The following PIK3C3 variants were observed in gnomAD, a reference collection of about 807,000 sequenced individuals.
PIK3C3 encodes the protein phosphatidylinositol 3-kinase catalytic subunit type 3, also known as PI3-kinase type 3.
PIK3C3 carries 95 observed loss-of-function variants against 126.1 expected under a neutral mutation model. That is an observed-to-expected ratio of 0.75 (90% CI 0.64 to 0.89). PIK3C3 has a LOEUF of 0.89. PIK3C3 is among the 40% of genes least tolerant of loss of function. PIK3C3 has a pLI of 0.00. For missense variants in PIK3C3, 829 were observed against 1,063.2 expected (o/e 0.78, Z 3.06); for synonymous variants, 374 against 360.0 (o/e 1.04, Z -0.44).
At chr18:42,023,472 A>T (rs1214916703) in intron 13 of PIK3C3, among the ~76,000 whole-genome samples, 1 of 152,240 alleles carries the variant, frequency 6.6e-6, no homozygotes, top group Non-Finnish European at 1.5e-5. Context: ...CATTCAATCA[A>T]ACTTAGATTT....
chr18:42,060,583 C>T (rs1985271739), intron 22 of PIK3C3, among the ~76,000 whole-genome samples: 1 of 151,982 alleles, frequency 6.6e-6, no homozygotes, highest in Non-Finnish European at 1.5e-5. Flanking sequence ...CCAGCCTGGC[C>T]AACATGGTGA....
rs1279947398 is a variant in PIK3C3 at position 42,067,368 on chromosome 18, C to CT, written c.2524-19dup. 2 of 1,612,842 alleles carry CT rather than the reference C, an allele frequency of 1.2e-6. No homozygotes were observed. Among genetic ancestry groups the CT allele is most frequent in the Non-Finnish European group, 1.7e-6 (2 of 1,179,122 alleles). On this transcript the variant is annotated intron_variant, in intron 23 of 24. Transcript: ENST00000262039. The stretch of plus-strand genomic sequence containing the variant: ...GCCCTATTTTTCTTCGTTGTAAAGA[C>CT]TAAGAGTGTTATCTTATAGGTTCAG...
At chr18:42,018,423 C>G (rs758716411) in intron 12 of PIK3C3, among the ~76,000 whole-genome samples, 6 of 152,012 alleles carry the variant, frequency 3.9e-5, no homozygotes, top group Non-Finnish European at 5.9e-5. Flanking sequence ...ATGTTCTTGG[C>G]AGATAGTCAA....
intron 24 of PIK3C3, among the ~76,000 whole-genome samples, chr18:42,071,344 A>G (rs1345813417): frequency 6.6e-6 from 1 of 152,188 alleles, no homozygotes. Flanking sequence ...TCCCATTTTT[A>G]ATTAAATAAC....
intron 24 of PIK3C3, among the ~76,000 whole-genome samples, chr18:42,079,895 C>A (rs1254696907): frequency 6.6e-6 from 1 of 152,004 alleles, no homozygotes; most frequent in East Asian, 1.9e-4. Flanking sequence ...CCAGGCAACA[C>A]ACCTCTTCTC....
At chr18:41,982,077 T>C (rs947735154) in intron 4 of PIK3C3, among the ~76,000 whole-genome samples, 4 of 152,192 alleles carry the variant, frequency 2.6e-5, no homozygotes, top group African/African-American at 9.7e-5. Context: ...ATAATTCTAG[T>C]GCACCATGCA....
chr18:42,034,725 A>T (rs1349718344), intron 16 of PIK3C3, among the ~76,000 whole-genome samples: 2 of 152,168 alleles, frequency 1.3e-5, no homozygotes, highest in Admixed American at 1.3e-4. Context: ...ATACTGAAAG[A>T]TCTTTGTGAG....
intron 10 of PIK3C3, among the ~76,000 whole-genome samples, chr18:42,006,025 AG>A: frequency 6.6e-6 from 1 of 151,160 alleles, no homozygotes; most frequent in Non-Finnish European, 1.5e-5. Flanking sequence ...ATAATTTGCT[AG>A]AATGACTCAC....
chr18:42,052,232 A>T lies in PIK3C3; in HGVS notation c.2263+2627A>T, dbSNP rs376879104. On this transcript the variant is annotated intron_variant, in intron 21 of 24. Coordinates refer to ENST00000262039, the MANE Select transcript of PIK3C3 (RefSeq NM_002647.4). ...CTGGAAGGAAGAATCTGCGTAATAC[A>T]CTTTTTTGGCCCAGGTCTCAGTTAC... Among the ~76,000 whole-genome samples, 5 of 152,060 alleles carry T rather than the reference A, an allele frequency of 3.3e-5. No homozygotes were observed. In the East Asian group the frequency reaches 7.7e-4, roughly 23 times the overall value.
At position 42,085,449 on chromosome 18, in the gene PIK3C3, C is replaced by T. The variant is rs1399145796; in HGVS notation, c.*4312C>T. 1 of 151,926 alleles carries T rather than the reference C, an allele frequency of 6.6e-6. No homozygotes were observed. The highest frequency in any genetic ancestry group is 1.5e-5 in the Non-Finnish European group (1 of 67,964). The allele number at this position is 151,926 out of a possible 1,614,324, so 9.4% of individuals were successfully genotyped here. ...AGCTAAGTCAATGGTTATTTTAAACCACTTAATTTTGAGACTAGTATTTCA... is the reference window on the plus strand; with the variant it reads ...AGCTAAGTCAATGGTTATTTTAAACTACTTAATTTTGAGACTAGTATTTCA... On this transcript the variant is annotated 3_prime_UTR_variant, in exon 25 of 25. Coordinates refer to ENST00000262039, the MANE Select transcript of PIK3C3 (RefSeq NM_002647.4).
intron 22 of PIK3C3, among the ~76,000 whole-genome samples, chr18:42,063,351 T>TA (rs1275755355): frequency 1.3e-5 from 2 of 152,244 alleles, no homozygotes; most frequent in Admixed American, 6.5e-5. Flanking sequence ...CAACAGTGGA[T>TA]ATAGTGAGTA....
intron 15 of PIK3C3, among the ~76,000 whole-genome samples, chr18:42,032,760 A>G (rs1567992571): frequency 6.6e-6 from 1 of 152,036 alleles, no homozygotes; most frequent in Non-Finnish European, 1.5e-5. Context: ...CTGACCATCC[A>G]TTTAGTTAAG....
At chr18:42,044,673 G>A (rs1984482320) in intron 20 of PIK3C3, among the ~76,000 whole-genome samples, 2 of 152,070 alleles carry the variant, frequency 1.3e-5, no homozygotes, top group Non-Finnish European at 1.5e-5. Context: ...ACCTGCTTTG[G>A]CCTCCCAAAG....
rs754215498 is a variant in PIK3C3, at chr18:42,085,289, T to G, written c.*4152T>G. The G allele has an allele frequency of 5.9e-5, 9 of 152,196 alleles. No individual in the cohort carries two copies. Among genetic ancestry groups the G allele is most frequent in the Admixed American group, 4.6e-4 (7 of 15,282 alleles). The allele number at this position is 152,196 out of a possible 1,614,324, so 9.4% of individuals were successfully genotyped here. A position where few individuals can be genotyped will look rare whatever the true frequency, so the allele number is the denominator to read the frequency against. ...ATAACCCATATTCCAAAATACAGTA[T>G]TATTTTCATTTGCTGTAACATTTTA... On this transcript the variant is annotated 3_prime_UTR_variant, in exon 25 of 25. Transcript: ENST00000262039.
intron 4 of PIK3C3, among the ~76,000 whole-genome samples, chr18:41,981,510 C>T (rs1392698001): frequency 6.6e-6 from 1 of 152,264 alleles, no homozygotes; most frequent in Non-Finnish European, 1.5e-5. Flanking sequence ...CTTCATTAAT[C>T]AGGAAGATAG....
At chr18:41,997,210 A>G (rs1982070151) in intron 9 of PIK3C3, among the ~76,000 whole-genome samples, 1 of 152,108 alleles carries the variant, frequency 6.6e-6, no homozygotes. Flanking sequence ...TAACGAAACT[A>G]CAGAATTCTA....
intron 20 of PIK3C3, 141 bp from the exon 21 acceptor site, chr18:42,049,390 A>T: frequency 2.0e-6 from 1 of 506,080 alleles, no homozygotes; most frequent in Non-Finnish European, 3.5e-6. Context: ...TGAAGATTGC[A>T]TATTTGAGAA....
In PIK3C3 at chr18:42,029,392, T is replaced by A; in HGVS notation, c.1658T>A (p.Val553Glu). The change falls in exon 15 of 25, where the codon GTG becomes GAG. Residue 553 changes from valine to glutamate, a missense_variant. Transcript: ENST00000262039. Reference protein sequence around the residue: ...AAQQTFVDRLVHLMKAVQRES... With the variant: ...AAQQTFVDRLEHLMKAVQRES... ...CAACAGACATTTGTAGATCGGTTGGTGCATCTAATGAAGGCAGTACAACGC... is the reference window on the plus strand; with the variant it reads ...CAACAGACATTTGTAGATCGGTTGGAGCATCTAATGAAGGCAGTACAACGC... The A allele has an allele frequency of 1.2e-6, 2 of 1,613,796 alleles. No homozygotes were observed. Among genetic ancestry groups the A allele is most frequent in the South Asian group, 1.1e-5 (1 of 91,078 alleles).
At chr18:42,039,201 G>GA (rs1214308187) in intron 18 of PIK3C3, among the ~76,000 whole-genome samples, 4 of 152,082 alleles carry the variant, frequency 2.6e-5, no homozygotes, top group Non-Finnish European at 5.9e-5. Context: ...GATTCCCTAG[G>GA]AATGCTTGCC....
Sources: allele counts gnomAD v4.1 joint callset (sites outside exome capture counted in the v4.1 genomes callset), GRCh38; gene constraint gnomAD v4.1.1; transcripts MANE v1.5; gene names NCBI Gene and HGNC (gene_info 2026-07-23, HGNC 2026-07-21).